Variants in RARS2 observed in about 807,000 individuals in gnomAD.
RARS2 encodes arginyl-tRNA synthetase 2, mitochondrial, also known as probable arginine--tRNA ligase, mitochondrial.
RARS2 carries 67 observed loss-of-function variants against 88.5 expected under a neutral mutation model. The observed-to-expected ratio is 0.76, with a 90% CI of 0.62 to 0.93. The LOEUF is 0.93. Among genes scored for constraint, RARS2 ranks in the 40% least tolerant of loss-of-function variants. The pLI is 0.00. For missense variants in RARS2, 664 were observed against 684.2 expected (o/e 0.97, Z 0.33); for synonymous variants, 239 against 230.3 (o/e 1.04, Z -0.34).
chr6:87,539,389 C>T (rs1780196194), intron 8 of RARS2, among the ~76,000 whole-genome samples: 1 of 152,178 alleles, frequency 6.6e-6, no homozygotes, highest in South Asian at 2.1e-4. Flanking sequence ...TATCTGCTAG[C>T]CGTAATAAAG....
rs1296233690 is a variant in RARS2 at position 87,589,908 on chromosome 6, T to C, written c.36+14A>G. 1 of 1,610,926 alleles carries C rather than the reference T, an allele frequency of 6.2e-7. No individual in the cohort carries two copies. Among genetic ancestry groups the C allele is most frequent in the East Asian group, 2.2e-5 (1 of 44,578 alleles). On this transcript the variant is annotated intron_variant, in intron 1 of 19. Coordinates refer to ENST00000369536, the MANE Select transcript of RARS2 (RefSeq NM_020320.5). ...GCTCCTCAGGGACTCCTCTGCGCGC[T>C]CCGGGATCCATACCTGGCAAGCAAT...
At chr6:87,533,694 C>G (rs1778276780) in intron 8 of RARS2, among the ~76,000 whole-genome samples, 1 of 152,174 alleles carries the variant, frequency 6.6e-6, no homozygotes, top group Non-Finnish European at 1.5e-5. Flanking sequence ...TTCACTATTT[C>G]TAGATGTTGG....
chr6:87,554,756 T>C (rs766965923), intron 5 of RARS2, among the ~76,000 whole-genome samples: 2 of 152,162 alleles, frequency 1.3e-5, no homozygotes, highest in African/African-American at 4.8e-5. Context: ...CTGGCCACTT[T>C]AAAATTCCTA....
At chr6:87,553,482 C>T (rs1295235555) in intron 5 of RARS2, among the ~76,000 whole-genome samples, 1 of 152,158 alleles carries the variant, frequency 6.6e-6, no homozygotes, top group Non-Finnish European at 1.5e-5. Flanking sequence ...GCCATCTGAT[C>T]TGTCGCAACT....
chr6:87,588,756 C>CGCTGTATCAGATCAGAGTCCAAA (rs1221758767), intron 1 of RARS2, among the ~76,000 whole-genome samples: 6 of 152,096 alleles, frequency 3.9e-5, no homozygotes, highest in Non-Finnish European at 7.4e-5. Context: ...AATCTTAAAC[C>CGCTGTATCAGATCAGAGTCCAAA]GCTGTATCAG....
At chr6:87,558,838 C>T (rs1048616277) in intron 4 of RARS2, among the ~76,000 whole-genome samples, 18 of 152,192 alleles carry the variant, frequency 1.2e-4, no homozygotes, top group African/African-American at 4.3e-4. Flanking sequence ...AAAGTGTACT[C>T]CTTATACTTA....
At chr6:87,519,490 G>A in intron 14 of RARS2, 93 bp downstream of exon 14, 1 of 1,382,086 alleles carries the variant, frequency 7.2e-7, no homozygotes, top group African/African-American at 1.4e-5. Context: ...CTTCAATGGA[G>A]GGACAGACAT....
intron 11 of RARS2, among the ~76,000 whole-genome samples, chr6:87,523,667 A>G (rs1475660548): frequency 1.3e-5 from 2 of 152,174 alleles, no homozygotes. Context: ...AAAGAAAAAT[A>G]TAGGTGTTGA....
chr6:87,515,010 C>A lies in RARS2; in HGVS notation c.1597G>T (p.Ala533Ser). 1 of 1,613,016 alleles carries A rather than the reference C, an allele frequency of 6.2e-7. No homozygotes were observed. The highest frequency in any genetic ancestry group is 8.5e-7 in the Non-Finnish European group (1 of 1,178,996). ...ATTTGTAGTGTTTTGTGTGCCACAG[C>A]TGCAAGATGACTGAAACAGGAAGAG... Reference protein sequence around the residue: ...SYLLTLSHLAAVAHKTLQIKD... With the variant: ...SYLLTLSHLASVAHKTLQIKD... The change falls in exon 19 of 20, where the codon GCT becomes TCT. Residue 533 changes from alanine (A) to serine (S), a missense_variant. Physicochemically the swap from Ala to Ser is moderately conservative, Grantham distance 99. Coordinates refer to ENST00000369536, the MANE Select transcript of RARS2 (RefSeq NM_020320.5).
chr6:87,589,677 A>C, intron 1 of RARS2: 1 of 985,316 alleles, frequency 1.0e-6, no homozygotes, highest in African/African-American at 1.7e-5. Flanking sequence ...TGGGGTGGGA[A>C]GGAGAGAAGA....
At chr6:87,534,700 G>A (rs928144327) in intron 8 of RARS2, among the ~76,000 whole-genome samples, 1 of 152,144 alleles carries the variant, frequency 6.6e-6, no homozygotes, top group Admixed American at 6.6e-5. Context: ...ATGGCCAAGT[G>A]GAGAAACTGC....
At chr6:87,550,882 T>C (rs1394720470) in intron 5 of RARS2, among the ~76,000 whole-genome samples, 1 of 151,302 alleles carries the variant, frequency 6.6e-6, no homozygotes, top group African/African-American at 2.4e-5. Context: ...AGAACATCTC[T>C]AGGAGGGTGA....
At chr6:87,588,586 G>A (rs28381451) in intron 1 of RARS2, among the ~76,000 whole-genome samples, 3,096 of 152,200 alleles carry the variant, frequency 0.02, 82 homozygotes, top group East Asian at 0.14. Context: ...TGTTGTCCAC[G>A]CTGGTCTCGA....
In RARS2 at chr6:87,552,157, TATC is replaced by T. The variant is rs1314680689; in HGVS notation, c.395+3248_395+3250del. 3.9e-5 allele frequency among the ~76,000 whole-genome samples: 6 copies of T among 152,322 alleles called. No individual in the cohort carries two copies. In the South Asian group the frequency reaches 8.3e-4, roughly 21 times the overall value. ...CTGGGCAAGTTACTTAATCTAGTAT[TATC>T]ATAATCAACTCAATTTAGGGAGAAA... On this transcript the variant is annotated intron_variant, in intron 5 of 19. Transcript: ENST00000369536.
At position 87,524,574 on chromosome 6, in the gene RARS2, A is replaced by G. The variant is rs1200700213; in HGVS notation, c.957T>C (p.Thr319=). 1 of 1,611,492 alleles carries G rather than the reference A, an allele frequency of 6.2e-7. No homozygotes were observed. Among genetic ancestry groups the G allele is most frequent in the Non-Finnish European group, 8.5e-7 (1 of 1,177,648 alleles). Reference sequence around the variant, plus strand: ...CTACAAACCTGGTTGCATAGAGAGAAGTCCCATCACTTCGCATTACAGTAC... The same window carrying G: ...CTACAAACCTGGTTGCATAGAGAGAGGTCCCATCACTTCGCATTACAGTAC... The part of the protein sequence containing the change: ...SICTVMRSDG[T]SLYATRDLAA... Residue 319 remains threonine (T), a synonymous_variant, in exon 11 of 20, where the codon ACT becomes ACC. Coordinates refer to ENST00000369536, the MANE Select transcript of RARS2 (RefSeq NM_020320.5).
chr6:87,516,680 G>A, intron 18 of RARS2, 126 bp downstream of exon 18: 1 of 1,334,706 alleles, frequency 7.5e-7, no homozygotes, highest in Non-Finnish European at 1.0e-6. Flanking sequence ...TATAGATGAA[G>A]CAATAATTCC....
chr6:87,535,520 C>G (rs1194451597), intron 8 of RARS2, among the ~76,000 whole-genome samples: 1 of 152,040 alleles, frequency 6.6e-6, no homozygotes, highest in Non-Finnish European at 1.5e-5. Flanking sequence ...GATACACTAA[C>G]CCCTCACTAT....
At chr6:87,567,885 C>A (rs374853328) in intron 2 of RARS2, among the ~76,000 whole-genome samples, 15 of 152,186 alleles carry the variant, frequency 9.9e-5, no homozygotes, top group African/African-American at 3.6e-4. Flanking sequence ...GGTTCTCCTG[C>A]CTCAGCCTCC....
At chr6:87,559,135 G>A (rs1175555364) in intron 4 of RARS2, among the ~76,000 whole-genome samples, 1 of 152,090 alleles carries the variant, frequency 6.6e-6, no homozygotes, top group Non-Finnish European at 1.5e-5. Flanking sequence ...ATTGTATAAT[G>A]TGCTTGTTTT....
Sources: gnomAD v4.1 joint callset for allele counts (sites outside exome capture counted in the v4.1 genomes callset) on GRCh38, gnomAD v4.1.1 for gene constraint, MANE v1.5 for transcripts, NCBI Gene and HGNC (gene_info 2026-07-23, HGNC 2026-07-21) for gene names.